The following SYT13 variants were observed in gnomAD, a reference collection of about 807,000 sequenced individuals.
SYT13 encodes the protein synaptotagmin-13.
In SYT13, 21 loss-of-function variants were observed where a neutral mutation model predicts 38.6. The ratio of observed to expected loss-of-function variants is 0.54; its 90% confidence interval spans 0.39 to 0.78. SYT13 has a LOEUF of 0.78. Ranked by LOEUF, SYT13 falls within the 30% of genes least tolerant of loss-of-function variation. The pLI, the probability that SYT13 is intolerant of heterozygous loss-of-function variation, is 0.00. For missense variants in SYT13, 495 were observed against 548.7 expected (o/e 0.90, Z 0.98); for synonymous variants, 241 against 237.6 (o/e 1.01, Z -0.13).
intron 1 of SYT13, among the ~76,000 whole-genome samples, chr11:45,262,539 A>C (rs1451691656): frequency 1.3e-5 from 2 of 152,276 alleles, no homozygotes; most frequent in Admixed American, 1.3e-4. Flanking sequence ...AAGCATGGAC[A>C]ACATAGTGAG....
At chr11:45,285,795 G>A in intron 1 of SYT13, 1 of 712,920 alleles carries the variant, frequency 1.4e-6, no homozygotes, top group South Asian at 1.5e-5. Flanking sequence ...GTCCCCACAA[G>A]CTCGCCGCTC....
At chr11:45,282,293 G>A (rs1855083934) in intron 1 of SYT13, among the ~76,000 whole-genome samples, 1 of 152,150 alleles carries the variant, frequency 6.6e-6, no homozygotes, top group Admixed American at 6.5e-5. Flanking sequence ...TACCTGGAAG[G>A]GCTGCACATT....
chr11:45,253,435 C>A (rs1321763635), intron 3 of SYT13, among the ~76,000 whole-genome samples: 1 of 152,094 alleles, frequency 6.6e-6, no homozygotes. Context: ...CTGTAAAATG[C>A]GCTAGTGTGA....
chr11:45,253,434 G>T (rs1393448308), intron 3 of SYT13, among the ~76,000 whole-genome samples: 1 of 152,192 alleles, frequency 6.6e-6, no homozygotes, highest in African/African-American at 2.4e-5. Flanking sequence ...TCTGTAAAAT[G>T]CGCTAGTGTG....
chr11:45,250,742 T>A (rs117447013), intron 4 of SYT13, among the ~76,000 whole-genome samples: 10 of 151,780 alleles, frequency 6.6e-5, no homozygotes, highest in Non-Finnish European at 4.4e-5. Flanking sequence ...GAGGAAAAAA[T>A]GGAGCAAGGA....
At chr11:45,259,617 C>T (rs1322953898) in intron 1 of SYT13, among the ~76,000 whole-genome samples, 53 of 152,150 alleles carry the variant, frequency 3.5e-4, no homozygotes. Context: ...ATCTACCCGC[C>T]CTACACAACA....
Position 45,252,455 on chromosome 11 carries a change from G to T in SYT13, c.812C>A (p.Ala271Asp). The T allele has an allele frequency of 6.2e-7, 1 of 1,606,886 alleles. No individual in the cohort carries two copies. The highest frequency in any genetic ancestry group is 8.5e-7 in the Non-Finnish European group (1 of 1,175,938). ...GLDGTSVPLGAAQWGELKTSA... is the reference protein window; with the variant it reads ...GLDGTSVPLGDAQWGELKTSA... ...AGTCTTCAGCTCGCCCCACTGGGCA[G>T]CCCCTAGAGGCACAGATGTCCCGTC... The change falls in exon 4 of 6, where the codon GCT becomes GAT. Residue 271 changes from alanine to aspartate, a missense_variant. Physicochemically the swap from Ala to Asp is moderately radical, Grantham distance 126. Coordinates refer to ENST00000020926, the MANE Select transcript of SYT13 (RefSeq NM_020826.3). The surrounding 1 kb of genome is among the most constrained non-coding windows in gnomAD (Gnocchi z 4.3).
At chr11:45,260,843 CA>C (rs1456973758) in intron 1 of SYT13, among the ~76,000 whole-genome samples, 4 of 152,214 alleles carry the variant, frequency 2.6e-5, no homozygotes, top group Non-Finnish European at 5.9e-5. Flanking sequence ...TGTGTCCAAC[CA>C]GCTGTCCATG....
chr11:45,277,047 C>T (rs534646995), intron 1 of SYT13, among the ~76,000 whole-genome samples: 1 of 152,206 alleles, frequency 6.6e-6, no homozygotes, highest in East Asian at 1.9e-4. Flanking sequence ...TGTACCCATA[C>T]AACAGAATAT....
chr11:45,254,177 C>T, intron 3 of SYT13, 93 bp downstream of exon 3: 3 of 1,428,654 alleles, frequency 2.1e-6, no homozygotes, highest in Non-Finnish European at 2.8e-6. Context: ...ATCCAGTGCT[C>T]TCTCCAGCTG....
chr11:45,276,724 A>T (rs1855015488), intron 1 of SYT13, among the ~76,000 whole-genome samples: 1 of 150,836 alleles, frequency 6.6e-6, no homozygotes, highest in South Asian at 2.1e-4. Flanking sequence ...AAAAAAAAAA[A>T]TAAATAAAAT....
At chr11:45,258,557 C>T (rs1854775830) in intron 1 of SYT13, 1 of 152,164 alleles carries the variant, frequency 6.6e-6, no homozygotes, top group African/African-American at 2.4e-5. Context: ...TAGGGATGAT[C>T]ACAAACAGGT....
Position 45,246,531 on chromosome 11 carries a change from T to C in SYT13, c.847-19A>G, listed in dbSNP as rs767627942. On this transcript the variant is annotated intron_variant, in intron 4 of 5. Transcript: ENST00000020926. Reference sequence around the variant, plus strand: ...ATGGCTCCTGAAACAGAAAAGGAGATGCAGGAGGGGAGTCTCACCTGGGGA... The same window carrying C: ...ATGGCTCCTGAAACAGAAAAGGAGACGCAGGAGGGGAGTCTCACCTGGGGA... 1.9e-6 allele frequency: 3 copies of C among 1,613,002 alleles called. No homozygotes were observed. The highest frequency in any genetic ancestry group is 4.5e-5 in the East Asian group (2 of 44,850).
intron 4 of SYT13, among the ~76,000 whole-genome samples, chr11:45,250,508 G>C (rs976870845): frequency 6.6e-6 from 1 of 152,154 alleles, no homozygotes; most frequent in Non-Finnish European, 1.5e-5. Context: ...TGCCCTTTGG[G>C]GCTGTACCAA....
intron 4 of SYT13, among the ~76,000 whole-genome samples, chr11:45,249,446 C>A (rs1054618922): frequency 1.3e-4 from 20 of 152,218 alleles, no homozygotes; most frequent in Admixed American, 4.6e-4. Context: ...AAGACACATA[C>A]ACACATATGT....
intron 1 of SYT13, among the ~76,000 whole-genome samples, chr11:45,264,408 C>T (rs758861558): frequency 2.0e-5 from 3 of 152,202 alleles, no homozygotes; most frequent in Non-Finnish European, 4.4e-5. Flanking sequence ...ATTTTCCTTG[C>T]TCTCTCTCAC....
intron 1 of SYT13, among the ~76,000 whole-genome samples, chr11:45,263,484 T>A (rs1431561247): frequency 2.0e-5 from 3 of 152,128 alleles, no homozygotes; most frequent in African/African-American, 4.8e-5. Context: ...GGGAAGCAGA[T>A]CCAGCTGAAA....
intron 1 of SYT13, among the ~76,000 whole-genome samples, chr11:45,279,951 C>T (rs186326915): frequency 3.4e-4 from 52 of 152,234 alleles, no homozygotes; most frequent in Non-Finnish European, 2.4e-4. Flanking sequence ...AGGCTGAAGA[C>T]GGAAGTAATA....
chr11:45,270,740 G>A (rs899912950), intron 1 of SYT13, among the ~76,000 whole-genome samples: 5 of 151,984 alleles, frequency 3.3e-5, no homozygotes, highest in African/African-American at 9.7e-5. Flanking sequence ...AAAAGTGCAG[G>A]GAACCACTAA....
Sources: allele counts gnomAD v4.1 joint callset (sites outside exome capture counted in the v4.1 genomes callset), GRCh38; gene constraint gnomAD v4.1.1; non-coding constraint Gnocchi (gnomAD v3.1); transcripts MANE v1.5; gene names NCBI Gene and HGNC (gene_info 2026-07-23, HGNC 2026-07-21).